KANSL1: variants seen among roughly 807,000 people sequenced by gnomAD.
KANSL1 encodes KAT8 regulatory NSL complex subunit 1, also known as MLL1/MLL complex subunit KANSL1.
KANSL1 carries 22 observed loss-of-function variants against 103.6 expected under a neutral mutation model. The observed-to-expected ratio is 0.21, with a 90% CI of 0.15 to 0.30. The LOEUF (loss-of-function observed/expected upper bound fraction) is 0.30. Ranked by LOEUF, KANSL1 falls within the 10% of genes least tolerant of loss-of-function variation. The probability of loss-of-function intolerance (pLI) is 1.00; values close to 1 mark genes in which losing one functional copy is unlikely to be tolerated. For missense variants in KANSL1, 1,337 were observed against 1,399.8 expected (o/e 0.96, Z 0.72); for synonymous variants, 600 against 527.6 (o/e 1.14, Z -1.88).
chr17:46,071,876 G>A (rs2078588997), intron 4 of KANSL1, among the ~76,000 whole-genome samples: 2 of 152,158 alleles, frequency 1.3e-5, no homozygotes, highest in African/African-American at 4.8e-5. Flanking sequence ...GGTAGACAGA[G>A]TGCCTCTGTA....
At chr17:46,098,916 TGTACA>T (rs1332249751) in intron 2 of KANSL1, among the ~76,000 whole-genome samples, 1 of 152,138 alleles carries the variant, frequency 6.6e-6, no homozygotes, top group African/African-American at 2.4e-5. Context: ...GCATGAGAGG[TGTACA>T]GTTAACAAGT....
chr17:46,204,468 AAAAC>A (rs1456385163), intron 1 of KANSL1, among the ~76,000 whole-genome samples: 15 of 152,182 alleles, frequency 9.9e-5, no homozygotes, highest in African/African-American at 3.4e-4. Context: ...CTATCTCAAA[AAAAC>A]AAACAGTTAT....
chr17:46,151,454 A>C (rs983982896), intron 2 of KANSL1, among the ~76,000 whole-genome samples: 5 of 152,218 alleles, frequency 3.3e-5, no homozygotes, highest in African/African-American at 4.8e-5. Flanking sequence ...CCCTATTAAT[A>C]TAGACATCTC....
chr17:46,171,899 T>G lies in KANSL1; in HGVS notation c.245A>C (p.Tyr82Ser). Residue 82 changes from tyrosine (Y) to serine (S), a missense_variant, in exon 2 of 15, where the codon TAT becomes TCT. Around this residue, in one of 2 missense-constraint regions of KANSL1, gnomAD observed 557 missense variants for 476.4 expected, o/e 1.17. Transcript: ENST00000432791. ...LGKLQPLVASYLCSDVTSVPS... is the reference protein window; with the variant it reads ...LGKLQPLVASSLCSDVTSVPS... Reference sequence around the variant, plus strand: ...AACAGATGTTACATCAGAGCAGAGATAAGATGCCACCAGTGGTTGCAGCTT... The same window carrying G: ...AACAGATGTTACATCAGAGCAGAGAGAAGATGCCACCAGTGGTTGCAGCTT... The G allele has an allele frequency of 1.2e-6, 2 of 1,614,266 alleles. No homozygotes were observed. Among genetic ancestry groups the G allele is most frequent in the Non-Finnish European group, 1.7e-6 (2 of 1,180,046 alleles).
intron 4 of KANSL1, among the ~76,000 whole-genome samples, chr17:46,072,288 T>G (rs2078607338): frequency 6.6e-6 from 1 of 151,974 alleles, no homozygotes; most frequent in Non-Finnish European, 1.5e-5. Flanking sequence ...AAAATTAAAC[T>G]CTACCTGCAA....
At chr17:46,202,882 A>G (rs975117680) in intron 1 of KANSL1, among the ~76,000 whole-genome samples, 1 of 152,252 alleles carries the variant, frequency 6.6e-6, no homozygotes, top group Non-Finnish European at 1.5e-5. Context: ...AACTTTAACC[A>G]GCATCAGAAA....
At chr17:46,144,477 A>G (rs11653458) in intron 2 of KANSL1, among the ~76,000 whole-genome samples, 53,171 of 151,750 alleles carry the variant, frequency 0.35, 9,625 homozygotes, top group South Asian at 0.6. Flanking sequence ...ATACAAAAAT[A>G]CATACTCAGG....
Position 46,106,538 on chromosome 17 carries a change from G to A in KANSL1, c.1290-11837C>T, listed in dbSNP as rs542975552. On this transcript the variant is annotated intron_variant, in intron 2 of 14. Transcript: ENST00000432791. ...CTCCCGAGTAGCTGGGATTACAGGCGTCCACCACCACACCTGGCTAATTTT... is the reference window on the plus strand; with the variant it reads ...CTCCCGAGTAGCTGGGATTACAGGCATCCACCACCACACCTGGCTAATTTT... Among the ~76,000 whole-genome samples, 13 of 152,164 alleles carry A rather than the reference G, an allele frequency of 8.5e-5. No homozygotes were observed. In the East Asian group the frequency reaches 1.2e-3, roughly 14 times the overall value.
At chr17:46,125,621 T>C (rs574060063) in intron 2 of KANSL1, among the ~76,000 whole-genome samples, 1 of 152,330 alleles carries the variant, frequency 6.6e-6, no homozygotes, top group South Asian at 2.1e-4. Flanking sequence ...ATATACAGTG[T>C]AATATCTGGT....
At chr17:46,149,849 C>G (rs1352340799) in intron 2 of KANSL1, among the ~76,000 whole-genome samples, 1 of 149,194 alleles carries the variant, frequency 6.7e-6, no homozygotes. Context: ...CCCGTCTCTA[C>G]TAAAAATACA....
Position 46,031,388 on chromosome 17 carries a change from G to A in KANSL1, c.*88C>T, listed in dbSNP as rs752732089. 238 of 1,210,964 alleles carry A rather than the reference G, an allele frequency of 2.0e-4. No homozygotes were observed. The highest frequency in any genetic ancestry group is 3.1e-4 in the South Asian group (19 of 61,158). 75.0% of individuals were successfully genotyped at this position (1,210,964 alleles called of 1,614,324 possible). On this transcript the variant is annotated 3_prime_UTR_variant, in exon 15 of 15. Coordinates refer to ENST00000432791, the MANE Select transcript of KANSL1 (RefSeq NM_015443.4). ...TTCACTAAAAACTGTGAAAATTTCC[G>A]GCATATGATGTTTGAATATCAAACG...
At chr17:46,193,700 C>T (rs1413225974), upstream of KANSL1, 2 of 281,862 alleles carry the variant, frequency 7.1e-6, no homozygotes, top group Admixed American at 4.6e-5. Context: ...CGGCACGCAG[C>T]ACTGCGGCAG....
chr17:46,088,285 C>CT (rs2146885208), intron 3 of KANSL1: 1 of 152,490 alleles, frequency 6.6e-6, no homozygotes, highest in African/African-American at 2.4e-5. Context: ...TTACATCACT[C>CT]TATCAGGTCA....
chr17:46,225,112 G>A (rs1312259928), upstream of KANSL1, among the ~76,000 whole-genome samples: 1 of 151,840 alleles, frequency 6.6e-6, no homozygotes, highest in African/African-American at 2.4e-5. Flanking sequence ...CTGGGCGGGG[G>A]TCCCCGTGCC....
At chr17:46,167,730 C>A (rs2046077429) in intron 2 of KANSL1, among the ~76,000 whole-genome samples, 1 of 152,212 alleles carries the variant, frequency 6.6e-6, no homozygotes, top group African/African-American at 2.4e-5. Flanking sequence ...AGTTTACTGT[C>A]AAGCATAATA....
upstream of KANSL1, chr17:46,193,535 G>GCCGCCAGGGGGCGCCCGCCGCGCCGCC (rs2147940290): frequency 6.8e-6 from 1 of 147,670 alleles, no homozygotes; most frequent in South Asian, 2.1e-4. Flanking sequence ...ACCCCGGCGC[G>GCCGCCAGGGGGCGCCCGCCGCGCCGCC]CCGCCAGGGG....
At chr17:46,217,764 C>G (rs1445145361) in intron 1 of KANSL1, among the ~76,000 whole-genome samples, 1 of 152,178 alleles carries the variant, frequency 6.6e-6, no homozygotes, top group Non-Finnish European at 1.5e-5. Flanking sequence ...GTGGCTCATG[C>G]CTGTAATCCC....
chr17:46,091,394 A>G (rs1370822818), intron 3 of KANSL1, among the ~76,000 whole-genome samples: 1 of 152,212 alleles, frequency 6.6e-6, no homozygotes, highest in African/African-American at 2.4e-5. Context: ...AAGTTATAGT[A>G]AGCTAAGGTT....
rs2147737029 is a variant in KANSL1, at chr17:46,171,218, T to C, written c.926A>G (p.Gln309Arg). Residue 309 changes from glutamine to arginine, a missense_variant, in exon 2 of 15, where the codon CAA becomes CGA. By Grantham distance (43) the Gln-to-Arg change is conservative (BLOSUM62 1). Around this residue, in one of 2 missense-constraint regions of KANSL1, gnomAD observed 557 missense variants for 476.4 expected, o/e 1.17. Coordinates refer to ENST00000432791, the MANE Select transcript of KANSL1 (RefSeq NM_015443.4). The stretch of plus-strand genomic sequence containing the variant: ...TATATGCCTCTCAACCTGCTTGGCT[T>C]GCACAACCTGTAAGCGCTTTTGTAA... ...RRLQKRLQVV[Q>R]AKQVERHIQH... 1.2e-6 allele frequency: 2 copies of C among 1,614,140 alleles called. No individual in the cohort carries two copies. Among genetic ancestry groups the C allele is most frequent in the Non-Finnish European group, 1.7e-6 (2 of 1,180,046 alleles).
Sources: gnomAD v4.1 joint callset for allele counts (sites outside exome capture counted in the v4.1 genomes callset) on GRCh38, gnomAD v4.1.1 for gene constraint, gnomAD v4.1.1 regional missense constraint, MANE v1.5 for transcripts, NCBI Gene and HGNC (gene_info 2026-07-23, HGNC 2026-07-21) for gene names.